Variants in PCDH15 observed in about 807,000 individuals in gnomAD.
PCDH15 encodes the protein protocadherin related 15, also known as protocadherin-15.
PCDH15 carries 129 observed loss-of-function variants against 178.5 expected under a neutral mutation model. That is an observed-to-expected ratio of 0.72 (90% CI 0.63 to 0.84). PCDH15 has a LOEUF of 0.84. Among genes scored for constraint, PCDH15 ranks in the 40% least tolerant of loss-of-function variants. PCDH15 has a pLI of 0.00. For missense variants in PCDH15, 2,230 were observed against 2,099.9 expected (o/e 1.06, Z -1.21); for synonymous variants, 800 against 732.0 (o/e 1.09, Z -1.50).
intron 3 of PCDH15, among the ~76,000 whole-genome samples, chr10:54,824,784 C>G (rs1953098699): frequency 2.0e-5 from 3 of 151,982 alleles, no homozygotes; most frequent in Admixed American, 2.0e-4. Flanking sequence ...GGAAATAATA[C>G]CACCACTTTT....
intron 2 of PCDH15, among the ~76,000 whole-genome samples, chr10:54,610,965 C>T (rs962849401): frequency 6.6e-6 from 1 of 151,610 alleles, no homozygotes; most frequent in Non-Finnish European, 1.5e-5. Context: ...GTGTTATTTG[C>T]TTCTTATACT....
chr10:54,622,684 T>TTATATAATATATATTTTCTATATATTA (rs1555105509), intron 2 of PCDH15, among the ~76,000 whole-genome samples: 19 of 22,330 alleles, frequency 8.5e-4, no homozygotes, highest in South Asian at 6.5e-3. Context: ...ATAATATATA[T>TTATATAATATATATTTTCTATATATTA]TATATAATAT....
At chr10:54,475,620 C>T (rs2078223675) in intron 3 of PCDH15, among the ~76,000 whole-genome samples, 1 of 151,750 alleles carries the variant, frequency 6.6e-6, no homozygotes, top group Admixed American at 6.6e-5. Context: ...CTTATTTATA[C>T]ATATTTATTC....
At chr10:55,281,583 A>AT (rs1337569427) in intron 1 of PCDH15, among the ~76,000 whole-genome samples, 2 of 151,662 alleles carry the variant, frequency 1.3e-5, no homozygotes, top group African/African-American at 2.4e-5. Flanking sequence ...TTTAACTCTT[A>AT]TTTTTTCACA....
At chr10:54,544,940 G>C (rs1434214902) in intron 2 of PCDH15, among the ~76,000 whole-genome samples, 1 of 151,946 alleles carries the variant, frequency 6.6e-6, no homozygotes, top group Non-Finnish European at 1.5e-5. Context: ...CAGGAGGTTG[G>C]GATTTTCAAA....
At chr10:55,272,838 C>G (rs940867726) in intron 1 of PCDH15, among the ~76,000 whole-genome samples, 1 of 151,928 alleles carries the variant, frequency 6.6e-6, no homozygotes, top group Non-Finnish European at 1.5e-5. Flanking sequence ...AATTCCTTCT[C>G]CCCCCAGCCT....
chr10:55,154,156 A>C (rs1314614311), intron 2 of PCDH15, among the ~76,000 whole-genome samples: 2 of 152,150 alleles, frequency 1.3e-5, no homozygotes, highest in Non-Finnish European at 2.9e-5. Flanking sequence ...GACCACTAGG[A>C]GATAAATTGT....
intron 18 of PCDH15, among the ~76,000 whole-genome samples, chr10:54,057,341 T>C (rs557098368): frequency 1.3e-4 from 20 of 152,320 alleles, no homozygotes; most frequent in Admixed American, 3.9e-4. Flanking sequence ...TGCCTGGACA[T>C]CCAGGCATTT....
intron 4 of PCDH15, among the ~76,000 whole-genome samples, chr10:54,376,360 T>G (rs1589109940): frequency 6.6e-6 from 1 of 150,882 alleles, no homozygotes; most frequent in Admixed American, 6.6e-5. Context: ...AATGTATATT[T>G]TATCTATATT....
chr10:55,339,813 T>C (rs1844499925), intron 2 of PCDH15, among the ~76,000 whole-genome samples: 1 of 151,990 alleles, frequency 6.6e-6, no homozygotes, highest in African/African-American at 2.4e-5. Context: ...CATGGAAAGG[T>C]GTATAAAGAG....
chr10:54,264,870 T>C (rs7909980), intron 8 of PCDH15, among the ~76,000 whole-genome samples: 106,372 of 151,402 alleles, frequency 0.7, 38,241 homozygotes, highest in Middle Eastern at 0.77. Context: ...TTCTCAATTT[T>C]GTTAGAGATG....
At chr10:55,539,703 A>T (rs1233003372) in intron 2 of PCDH15, among the ~76,000 whole-genome samples, 1 of 152,108 alleles carries the variant, frequency 6.6e-6, no homozygotes, top group Admixed American at 6.6e-5. Context: ...AAGTTAAGCT[A>T]TTTAGAGTTT....
chr10:55,423,152 T>C (rs1389247570), intron 2 of PCDH15, among the ~76,000 whole-genome samples: 3 of 151,942 alleles, frequency 2.0e-5, no homozygotes, highest in Non-Finnish European at 2.9e-5. Flanking sequence ...CATAAATCTG[T>C]AAATTATTTA....
At chr10:53,811,453 A>G in intron 36 of PCDH15, 96 bp downstream of exon 36, 1 of 764,334 alleles carries the variant, frequency 1.3e-6, no homozygotes, top group Non-Finnish European at 2.0e-6. Flanking sequence ...TCGACATGAC[A>G]TTAAAAACAA....
At chr10:55,114,140 A>C (rs1199002599) in intron 2 of PCDH15, among the ~76,000 whole-genome samples, 1 of 151,898 alleles carries the variant, frequency 6.6e-6, no homozygotes, top group Non-Finnish European at 1.5e-5. Context: ...TTTGGTAGAG[A>C]CGGGGTTTCA....
At chr10:54,896,826 C>T (rs1954554052) in intron 3 of PCDH15, among the ~76,000 whole-genome samples, 1 of 141,780 alleles carries the variant, frequency 7.1e-6, no homozygotes, top group African/African-American at 2.5e-5. Context: ...TAATAATATA[C>T]AAAGTAAAAA....
rs199824864 is a variant in PCDH15 at position 54,023,022 on chromosome 10, C to T, written c.2396G>A (p.Arg799His). Residue 799 changes from arginine to histidine, a missense_variant, in exon 19 of 38, where the codon CGT becomes CAT. Physicochemically the swap from Arg to His is conservative, Grantham distance 29. Coordinates refer to ENST00000644397, the MANE Select transcript of PCDH15 (RefSeq NM_001384140.1). Reference sequence around the variant, plus strand: ...GATGGCCAAGGTTAGAGTTGAATGACGAGGGTGTACTGCTCCATCTGTTGC... The same window carrying T: ...GATGGCCAAGGTTAGAGTTGAATGATGAGGGTGTACTGCTCCATCTGTTGC... ...VVATDGAVHP[R>H]HSTLTLAIKV... The T allele has an allele frequency of 8.1e-6, 13 of 1,613,796 alleles. No homozygotes were observed. Among genetic ancestry groups the T allele is most frequent in the African/African-American group, 8.0e-5 (6 of 74,900 alleles).
At chr10:54,080,351 A>G (rs1404205289) in intron 16 of PCDH15, among the ~76,000 whole-genome samples, 1 of 152,106 alleles carries the variant, frequency 6.6e-6, no homozygotes, top group Non-Finnish European at 1.5e-5. Flanking sequence ...AATTTATTTT[A>G]TAACAGTTTG....
At chr10:55,561,434 G>A (rs1177970005) in intron 2 of PCDH15, among the ~76,000 whole-genome samples, 1 of 151,854 alleles carries the variant, frequency 6.6e-6, no homozygotes, top group Non-Finnish European at 1.5e-5. Flanking sequence ...AAAGTTGTCT[G>A]TATTTAAACT....
Sources: allele counts gnomAD v4.1 joint callset (sites outside exome capture counted in the v4.1 genomes callset), GRCh38; gene constraint gnomAD v4.1.1; transcripts MANE v1.5; gene names NCBI Gene and HGNC (gene_info 2026-07-23, HGNC 2026-07-21).